Variants in TCF3 observed in about 807,000 individuals in gnomAD.
TCF3 encodes transcription factor 3.
TCF3 carries 54 observed loss-of-function variants against 72.3 expected under a neutral mutation model. The ratio of observed to expected loss-of-function variants is 0.75; its 90% CI spans 0.60 to 0.94. The LOEUF is 0.94. Ranked by LOEUF, TCF3 falls within the 40% of genes least tolerant of loss-of-function variation. The pLI is 0.00. For missense variants in TCF3, 1,078 were observed against 934.4 expected, an observed-to-expected ratio of 1.15 and a Z score of -2.00; for synonymous variants, 525 against 412.6, an observed-to-expected ratio of 1.27 and a Z score of -3.30.
chr19:1,636,417 T>C (rs981204138), intron 3 of TCF3, among the ~76,000 whole-genome samples: 4 of 152,172 alleles, frequency 2.6e-5, no homozygotes, highest in Non-Finnish European at 4.4e-5. Flanking sequence ...TGCCTCAGAC[T>C]CCCAAAGTGC....
At chr19:1,624,708 C>T (rs1270735304) in intron 7 of TCF3, among the ~76,000 whole-genome samples, 1 of 152,182 alleles carries the variant, frequency 6.6e-6, no homozygotes, top group Admixed American at 6.5e-5. Context: ...GACGTGCGCA[C>T]AGTGGGAAAA....
rs375354495 is a variant in TCF3 at position 1,621,183 on chromosome 19, C to A, written c.964G>T (p.Gly322Trp). ...TCCCCGGAGCTGCCAGCTGTGGTCCCTCGGGAGCCTGTGGGTGAAGAGAGG... is the reference window on the plus strand; with the variant it reads ...TCCCCGGAGCTGCCAGCTGTGGTCCATCGGGAGCCTGTGGGTGAAGAGAGG... Reference protein sequence around the residue: ...SGADSLLGSRGTTAGSSGDAL... With the variant: ...SGADSLLGSRWTTAGSSGDAL... The change falls in exon 12 of 19, where the codon GGG becomes TGG. Residue 322 changes from glycine (G) to tryptophan (W), a missense_variant. Coordinates refer to ENST00000262965, the MANE Select transcript of TCF3 (RefSeq NM_003200.5). 2.2e-5 allele frequency: 34 copies of A among 1,536,456 alleles called. No individual in the cohort carries two copies. Among genetic ancestry groups the A allele is most frequent in the Non-Finnish European group, 2.9e-5 (33 of 1,146,168 alleles).
chr19:1,638,740 A>C (rs2145242312), intron 3 of TCF3, among the ~76,000 whole-genome samples: 1 of 152,358 alleles, frequency 6.6e-6, no homozygotes, highest in East Asian at 1.9e-4. Flanking sequence ...TAAACGTGTT[A>C]TTCAAAACTA....
intron 1 of TCF3, among the ~76,000 whole-genome samples, chr19:1,651,709 G>A (rs1268040436): frequency 6.6e-6 from 1 of 151,518 alleles, no homozygotes. Flanking sequence ...CCCCGCAGCC[G>A]GTGCAGGCGG....
intron 5 of TCF3, among the ~76,000 whole-genome samples, chr19:1,629,292 G>A (rs1020684371): frequency 7.9e-5 from 12 of 152,136 alleles, no homozygotes; most frequent in African/African-American, 2.4e-4. Flanking sequence ...GGGGAGCCCC[G>A]GGGCCTGTGC....
At chr19:1,636,669 C>A (rs2064451833) in intron 3 of TCF3, among the ~76,000 whole-genome samples, 1 of 152,070 alleles carries the variant, frequency 6.6e-6, no homozygotes, top group Admixed American at 6.6e-5. Context: ...CTGCAGCCGC[C>A]CTGGGTTTAT....
rs2061062139 is a variant in TCF3, at chr19:1,612,116, CG to C, written c.1823-268del. The C allele has an allele frequency of 5.3e-6, 7 of 1,323,986 alleles. No individual in the cohort carries two copies. The African/African-American group carries it at 7.4e-5, about 14-fold the overall frequency. 82.0% of individuals were successfully genotyped at this position (1,323,986 alleles called of 1,614,324 possible). A position where few individuals can be genotyped will look rare whatever the true frequency, so the allele number is the denominator to read the frequency against. ...CACAAAGACAGACATGGACAGAGTC[CG>C]GGGGCGGCAAGCACAGGAGGACCCC... On this transcript the variant is annotated intron_variant, in intron 18 of 18. Coordinates refer to ENST00000262965, the MANE Select transcript of TCF3 (RefSeq NM_003200.5).
At position 1,610,010 on chromosome 19, in the gene TCF3, G is replaced by A. The variant is rs1032615322; in HGVS notation, c.*1697C>T. 7 of 232,762 alleles carry A rather than the reference G, an allele frequency of 3.0e-5. No individual in the cohort carries two copies. Among genetic ancestry groups the A allele is most frequent in the African/African-American group, 4.4e-5 (2 of 45,296 alleles). The allele number at this position is 232,762 out of a possible 1,614,324, so 14.4% of individuals were successfully genotyped here. Reference sequence around the variant, plus strand: ...CAGGCCCACACCTGGGTGCCACAGTGACCACTGCCCTAGTTCGTGTGGAAC... The same window carrying A: ...CAGGCCCACACCTGGGTGCCACAGTAACCACTGCCCTAGTTCGTGTGGAAC... On this transcript the variant is annotated 3_prime_UTR_variant, in exon 19 of 19. Transcript: ENST00000262965.
Position 1,611,805 on chromosome 19 carries a change from C to G in TCF3, c.1867G>C (p.Glu623Gln), listed in dbSNP as rs1343124101. The stretch of plus-strand genomic sequence containing the variant: ...CCAACCACACCTGACACCTTTTCCT[C>G]TTCTCGCCGTTTCAAACAGGCTGCT... ...PKAACLKRRE[E>Q]EKVSGVVGDP... is the part of the protein sequence containing the mutation. The change falls in exon 19 of 19, where the codon GAG becomes CAG. Residue 623 changes from glutamate (E) to glutamine (Q), a missense_variant. Coordinates refer to ENST00000262965, the MANE Select transcript of TCF3 (RefSeq NM_003200.5). The G allele has an allele frequency of 6.2e-7, 1 of 1,613,538 alleles. No homozygotes were observed. The highest frequency in any genetic ancestry group is 1.3e-5 in the African/African-American group (1 of 74,834).
In TCF3 at chr19:1,611,652, T is replaced by C; in HGVS notation, c.*55A>G. 6.4e-7 allele frequency: 1 copy of C among 1,572,630 alleles called. No individual in the cohort carries two copies. Among genetic ancestry groups the C allele is most frequent in the Non-Finnish European group, 8.6e-7 (1 of 1,157,154 alleles). On this transcript the variant is annotated 3_prime_UTR_variant, in exon 19 of 19. Coordinates refer to ENST00000262965, the MANE Select transcript of TCF3 (RefSeq NM_003200.5). ...AGCCCGGGGTCTCGAGTGGCCGTTC[T>C]GGGGCCAGAGCACAGGGCTGAAAGC...
intron 3 of TCF3, among the ~76,000 whole-genome samples, chr19:1,636,860 T>TG (rs1279150071): frequency 1.3e-5 from 2 of 152,026 alleles, no homozygotes; most frequent in African/African-American, 2.4e-5. Context: ...TGTCTGGCGA[T>TG]GGGGGGTGGG....
chr19:1,648,817 TGGGG>T lies in TCF3; in HGVS notation c.72+1356_72+1359del, dbSNP rs4030798. 9.7e-3 allele frequency among the ~76,000 whole-genome samples: 1,147 copies of T among 118,784 alleles called. 33 individuals carry two copies. The highest frequency in any genetic ancestry group is 0.033 in the African/African-American group (1,007 of 30,900). The allele number at this position is 118,784 out of a possible 152,430, so 77.9% of individuals were successfully genotyped here. A position where few individuals can be genotyped will look rare whatever the true frequency, so the allele number is the denominator to read the frequency against. Reference sequence around the variant, plus strand: ...CAACCCCAAACGCTGCCACTGGGCATGGGGGGGGGGGGGGAGCAGAATTTAAGGA... The same window carrying T: ...CAACCCCAAACGCTGCCACTGGGCATGGGGGGGGGGAGCAGAATTTAAGGA... On this transcript the variant is annotated intron_variant, in intron 2 of 18. Coordinates refer to ENST00000262965, the MANE Select transcript of TCF3 (RefSeq NM_003200.5).
intron 3 of TCF3, among the ~76,000 whole-genome samples, chr19:1,636,223 G>T (rs759856090): frequency 6.6e-6 from 1 of 152,050 alleles, no homozygotes; most frequent in Admixed American, 6.6e-5. Flanking sequence ...GCAGTGGTGC[G>T]ATCTTGGCTC....
At chr19:1,618,815 G>A (rs1028955799) in intron 16 of TCF3, among the ~76,000 whole-genome samples, 8 of 152,160 alleles carry the variant, frequency 5.3e-5, no homozygotes, top group Non-Finnish European at 1.0e-4. Flanking sequence ...CTGAGGCAGA[G>A]GCATCCTGCT....
At chr19:1,651,272 G>A in intron 1 of TCF3, 1 of 226,764 alleles carries the variant, frequency 4.4e-6, no homozygotes, top group East Asian at 6.3e-5. Flanking sequence ...GGCAGCCCGG[G>A]AGACACCTCC....
intron 3 of TCF3, among the ~76,000 whole-genome samples, chr19:1,638,946 A>G (rs1337143604): frequency 1.3e-5 from 2 of 152,268 alleles, no homozygotes; most frequent in Non-Finnish European, 2.9e-5. Flanking sequence ...CAGTTTTGAA[A>G]CAAGCGACTC....
chr19:1,642,424 C>T (rs1026011446), intron 3 of TCF3, among the ~76,000 whole-genome samples: 5 of 152,170 alleles, frequency 3.3e-5, no homozygotes, highest in Non-Finnish European at 1.5e-5. Context: ...GTGGGCGGGA[C>T]GGTACCCCTG....
At chr19:1,648,558 C>G (rs1463882097) in intron 2 of TCF3, among the ~76,000 whole-genome samples, 1 of 152,220 alleles carries the variant, frequency 6.6e-6, no homozygotes, top group Non-Finnish European at 1.5e-5. Context: ...CAAAAAACAA[C>G]CCAACTGCAC....
intron 5 of TCF3, 172 bp downstream of exon 5, chr19:1,631,866 G>A (rs1486752325): frequency 2.6e-5 from 39 of 1,498,820 alleles, no homozygotes; most frequent in East Asian, 9.9e-5. Context: ...TCCGGGCCAC[G>A]TCCCCTGCAC....
Sources: gnomAD v4.1 joint callset for allele counts (sites outside exome capture counted in the v4.1 genomes callset) on GRCh38, gnomAD v4.1.1 for gene constraint, MANE v1.5 for transcripts, NCBI Gene and HGNC (gene_info 2026-07-23, HGNC 2026-07-21) for gene names.